Variants in HSF5 observed in about 807,000 individuals in gnomAD.
The protein encoded by HSF5 is heat shock transcription factor 5.
Under a neutral mutation model 50.8 loss-of-function variants are expected in HSF5, and 5 were observed. The ratio of observed to expected loss-of-function variants is 0.10; its 90% CI spans 0.05 to 0.21. The LOEUF is 0.21. Ranked by LOEUF, HSF5 falls within the 10% of genes least tolerant of loss-of-function variation. The probability of loss-of-function intolerance (pLI) is 1.00; values close to 1 mark genes in which losing one functional copy is unlikely to be tolerated. For missense variants in HSF5, 564 were observed against 762.6 expected (o/e 0.74, Z 3.07); for synonymous variants, 307 against 307.4 (o/e 1.00, Z 0.02).
At chr17:58,461,213 C>CACAACAACAACAACA (rs36215581) in intron 4 of HSF5, among the ~76,000 whole-genome samples, 1 of 146,744 alleles carries the variant, frequency 6.8e-6, no homozygotes, top group Non-Finnish European at 1.5e-5. Flanking sequence ...GATTCCATCT[C>CACAACAACAACAACA]ACAACAACAA....
In HSF5 at chr17:58,423,893, C is replaced by T. The variant is rs148770895; in HGVS notation, c.1721-1463G>A. 5.3e-5 allele frequency among the ~76,000 whole-genome samples: 8 copies of T among 152,332 alleles called. No homozygotes were observed. The East Asian group carries it at 1.5e-3, about 29-fold the overall frequency. ...TCTCAACATACAAAGACTTTTGTTG[C>T]TACATTTTTGGAACACAGCCTCTAC... On this transcript the variant is annotated intron_variant, in intron 5 of 5. Transcript: ENST00000323777.
chr17:58,487,742 G>C lies in HSF5; in HGVS notation c.533C>G (p.Pro178Arg), dbSNP rs769689205. Residue 178 changes from proline to arginine, a missense_variant, in exon 1 of 6, where the codon CCC becomes CGC. Physicochemically the swap from Pro to Arg is moderately radical, Grantham distance 103 (BLOSUM62 -2). Around this residue, in one of 5 missense-constraint regions of HSF5, gnomAD observed 441 missense variants for 533.6 expected, o/e 0.83. Transcript: ENST00000323777. The stretch of plus-strand genomic sequence containing the variant: ...GGACTCACCGTGCGGCTCGGGCCGG[G>C]GCCCCGCGGGCGGCGGCGGCTGCTG... ...QHQQPPPPAG[P>R]RPEPHGPVAV... 7.7e-5 allele frequency: 106 copies of C among 1,383,732 alleles called. 2 individuals are homozygous for C. Among genetic ancestry groups the C allele is most frequent in the South Asian group, 7.0e-4 (41 of 58,530 alleles). The allele number at this position is 1,383,732 out of a possible 1,614,324, so 85.7% of individuals were successfully genotyped here.
chr17:58,444,095 A>G (rs1411054536), intron 5 of HSF5, among the ~76,000 whole-genome samples: 2 of 152,266 alleles, frequency 1.3e-5, no homozygotes, highest in Admixed American at 1.3e-4. Context: ...GACACTAATA[A>G]GTAGAACACA....
chr17:58,438,399 T>C (rs962671838), intron 5 of HSF5, among the ~76,000 whole-genome samples: 1 of 152,196 alleles, frequency 6.6e-6, no homozygotes, highest in Non-Finnish European at 1.5e-5. Context: ...CATTAACTAA[T>C]GACATAGTTC....
At position 58,488,068 on chromosome 17, in the gene HSF5, G is replaced by A. The variant is rs763878701; in HGVS notation, c.207C>T (p.Pro69=). The A allele has an allele frequency of 6.3e-7, 1 of 1,592,836 alleles. No individual in the cohort carries two copies. Among genetic ancestry groups the A allele is most frequent in the South Asian group, 1.1e-5 (1 of 89,200 alleles). ...GGGTAGAGAE[P]ELFKTTSFTS... ...TGAAGCTGGTGGTTTTGAAGAGCTC[G>A]GGCTCGGCCCCGGCCCCCGCAGTCC... is the stretch of plus-strand genomic sequence containing the variant. Residue 69 remains proline, a synonymous_variant, in exon 1 of 6, where the codon CCC becomes CCT. Coordinates refer to ENST00000323777, the MANE Select transcript of HSF5 (RefSeq NM_001080439.3). This position sits in a 1 kb window ranked among gnomAD's most constrained non-coding sequence, Gnocchi z 4.1.
At chr17:58,444,773 G>A (rs1050749585) in intron 5 of HSF5, among the ~76,000 whole-genome samples, 1 of 152,006 alleles carries the variant, frequency 6.6e-6, no homozygotes, top group Non-Finnish European at 1.5e-5. Flanking sequence ...GCTCATCAAA[G>A]GACAAAATAG....
At chr17:58,476,871 T>A in intron 2 of HSF5, 1 of 1,342,758 alleles carries the variant, frequency 7.4e-7, no homozygotes, top group Non-Finnish European at 1.0e-6. Context: ...TCTTGCTGTT[T>A]TTTTTTTCCT....
chr17:58,471,332 C>T (rs1240177363), intron 2 of HSF5, among the ~76,000 whole-genome samples: 2 of 152,040 alleles, frequency 1.3e-5, no homozygotes, highest in Non-Finnish European at 2.9e-5. Context: ...TCCATAAGCA[C>T]AAAATCAAGT....
intron 2 of HSF5, among the ~76,000 whole-genome samples, chr17:58,474,984 TA>T (rs869087531): frequency 7.9e-5 from 12 of 152,232 alleles, no homozygotes; most frequent in African/African-American, 2.6e-4. Context: ...TGTAACATGG[TA>T]AAAAAAATTT....
At position 58,488,302 on chromosome 17, in the gene HSF5, C is replaced by G. The variant is rs1311563312; in HGVS notation, c.-28G>C. Reference sequence around the variant, plus strand: ...CCCCGCCGGGCCGGGGCCTCGCCCCCCGAGCCTAGCTCTCCCACACCGTTC... The same window carrying G: ...CCCCGCCGGGCCGGGGCCTCGCCCCGCGAGCCTAGCTCTCCCACACCGTTC... On this transcript the variant is annotated 5_prime_UTR_variant, in exon 1 of 6. Transcript: ENST00000323777. This position sits in a 1 kb window ranked among gnomAD's most constrained non-coding sequence, Gnocchi z 4.1. The G allele has an allele frequency of 1.4e-6, 2 of 1,447,680 alleles. No individual in the cohort carries two copies. The highest frequency in any genetic ancestry group is 2.7e-5 in the East Asian group (1 of 37,602). 89.7% of individuals were successfully genotyped at this position (1,447,680 alleles called of 1,614,324 possible).
chr17:58,476,777 T>TG, intron 2 of HSF5: 1 of 1,598,284 alleles, frequency 6.3e-7, no homozygotes, highest in African/African-American at 1.3e-5. Flanking sequence ...GTTATATTTC[T>TG]GTTCTACTTT....
At chr17:58,442,629 AATAAC>A (rs151283846) in intron 5 of HSF5, among the ~76,000 whole-genome samples, 1 of 152,368 alleles carries the variant, frequency 6.6e-6, no homozygotes, top group Non-Finnish European at 1.5e-5. Flanking sequence ...TAATATGGTG[AATAAC>A]ATTAACATTT....
Position 58,487,935 on chromosome 17 carries a change from G to T in HSF5, c.340C>A (p.Pro114Thr), listed in dbSNP as rs1378344678. 6.2e-7 allele frequency: 1 copy of T among 1,611,464 alleles called. No individual in the cohort carries two copies. Residue 114 changes from proline (P) to threonine (T), a missense_variant, in exon 1 of 6, where the codon CCG becomes ACG. By Grantham distance (38) the Pro-to-Thr change is conservative (BLOSUM62 -1). Coordinates refer to ENST00000323777, the MANE Select transcript of HSF5 (RefSeq NM_001080439.3). Reference sequence around the variant, plus strand: ...TGTGGCTGGTCGCGGCGGAAGTGCGGGTTGTGGAAGTGATGGAGCGGCCCA... The same window carrying T: ...TGTGGCTGGTCGCGGCGGAAGTGCGTGTTGTGGAAGTGATGGAGCGGCCCA... ...GNGPLHHFHN[P>T]HFRRDQPQLL...
At chr17:58,443,778 T>C (rs1455061787) in intron 5 of HSF5, among the ~76,000 whole-genome samples, 2 of 152,214 alleles carry the variant, frequency 1.3e-5, no homozygotes, top group African/African-American at 2.4e-5. Flanking sequence ...CGGAGTATTA[T>C]CTGAAAAGGT....
intron 5 of HSF5, among the ~76,000 whole-genome samples, chr17:58,433,791 G>C (rs772782981): frequency 1.3e-5 from 2 of 151,458 alleles, no homozygotes; most frequent in Non-Finnish European, 2.9e-5. Flanking sequence ...TTGAGCAGAA[G>C]AAAGAAAAAT....
At position 58,478,864 on chromosome 17, in the gene HSF5, C is replaced by CA. The variant is rs11363228; in HGVS notation, c.925+1028dup. Among the ~76,000 whole-genome samples, 329 of 95,284 alleles carry CA rather than the reference C, an allele frequency of 3.5e-3. 3 individuals are homozygous for CA. Among genetic ancestry groups the CA allele is most frequent in the Middle Eastern group, 6.0e-3 (1 of 166 alleles). The allele number at this position is 95,284 out of a possible 152,430, so 62.5% of individuals were successfully genotyped here. Reference sequence around the variant, plus strand: ...GGCAACAAGAGTGAAACTCCATCTCCAAAAAAAAAAAAAAAAAAGAGAAGA... The same window carrying CA: ...GGCAACAAGAGTGAAACTCCATCTCCAAAAAAAAAAAAAAAAAAAGAGAAGA... On this transcript the variant is annotated intron_variant, in intron 2 of 5. Coordinates refer to ENST00000323777, the MANE Select transcript of HSF5 (RefSeq NM_001080439.3).
At chr17:58,440,700 T>C (rs966145268) in intron 5 of HSF5, among the ~76,000 whole-genome samples, 1 of 152,308 alleles carries the variant, frequency 6.6e-6, no homozygotes, top group Middle Eastern at 3.4e-3. Flanking sequence ...CCATGCTTAC[T>C]ATTTCAAGGA....
intron 5 of HSF5, among the ~76,000 whole-genome samples, chr17:58,445,882 T>A (rs1370850977): frequency 6.6e-6 from 1 of 152,008 alleles, no homozygotes; most frequent in Non-Finnish European, 1.5e-5. Context: ...ACACCTGTAA[T>A]CCCAGCACTT....
chr17:58,480,729 T>C (rs978252057), intron 1 of HSF5, among the ~76,000 whole-genome samples: 5 of 151,650 alleles, frequency 3.3e-5, no homozygotes, highest in Non-Finnish European at 7.4e-5. Context: ...GTGTGGAACA[T>C]ATAACAAGAT....
Sources: allele counts gnomAD v4.1 joint callset (sites outside exome capture counted in the v4.1 genomes callset), GRCh38; gene constraint gnomAD v4.1.1; regional missense constraint gnomAD v4.1.1; non-coding constraint Gnocchi (gnomAD v3.1); transcripts MANE v1.5; gene names NCBI Gene and HGNC (gene_info 2026-07-23, HGNC 2026-07-21).